Variants in NCOA1 observed in about 807,000 individuals in gnomAD.
The protein encoded by NCOA1 is nuclear receptor coactivator 1, also known as Hin-2 protein.
In NCOA1, 35 loss-of-function variants were observed where a neutral mutation model predicts 150.9. The ratio of observed to expected loss-of-function variants is 0.23; its 90% CI spans 0.18 to 0.31. The LOEUF (loss-of-function observed/expected upper bound fraction) is 0.31, where lower values mean the gene tolerates loss of function less well. NCOA1 is among the 10% of genes least tolerant of loss of function. The pLI, the probability that NCOA1 is intolerant of heterozygous loss-of-function variation, is 1.00. For synonymous variants in NCOA1, 590 were observed against 630.0 expected (o/e 0.94, Z 0.95); for missense variants, 1,491 against 1,749.3 (o/e 0.85, Z 2.63).
chr2:24,497,001 T>G (rs559926022), intron 1 of NCOA1, among the ~76,000 whole-genome samples: 1 of 152,332 alleles, frequency 6.6e-6, no homozygotes, highest in African/African-American at 2.4e-5. Flanking sequence ...CGTCTGCTTT[T>G]CTTGTAAGGC....
chr2:24,535,501 G>A (rs879683362), intron 1 of NCOA1, among the ~76,000 whole-genome samples: 8 of 152,162 alleles, frequency 5.3e-5, no homozygotes, highest in Non-Finnish European at 1.2e-4. Flanking sequence ...TATGATGTTA[G>A]CTGGTTATTT....
At chr2:24,634,835 C>G (rs914094200) in intron 3 of NCOA1, among the ~76,000 whole-genome samples, 4 of 151,890 alleles carry the variant, frequency 2.6e-5, no homozygotes, top group East Asian at 1.9e-4. Flanking sequence ...TTTCAGCCCC[C>G]CAACTGAGTA....
chr2:24,616,959 G>A (rs978128669), intron 3 of NCOA1, among the ~76,000 whole-genome samples: 3 of 152,144 alleles, frequency 2.0e-5, no homozygotes, highest in Non-Finnish European at 4.4e-5. Flanking sequence ...TGTGAACATA[G>A]ACATGTTTAC....
chr2:24,510,309 A>G (rs1663880166), intron 1 of NCOA1, among the ~76,000 whole-genome samples: 1 of 152,120 alleles, frequency 6.6e-6, no homozygotes, highest in Admixed American at 6.5e-5. Context: ...GGCCTCCCAA[A>G]GTGCTGGGAT....
intron 3 of NCOA1, among the ~76,000 whole-genome samples, chr2:24,623,027 A>G (rs1288413007): frequency 2.0e-5 from 3 of 152,210 alleles, no homozygotes; most frequent in African/African-American, 4.8e-5. Flanking sequence ...GCAGAGGGCT[A>G]AAGACTTGAG....
chr2:24,559,336 T>C (rs991392955), intron 1 of NCOA1, among the ~76,000 whole-genome samples: 3 of 152,174 alleles, frequency 2.0e-5, no homozygotes, highest in African/African-American at 7.2e-5. Context: ...TCTCCAGCAG[T>C]TGGCTGCTGG....
rs1356211925 is a variant in NCOA1 at position 24,629,813 on chromosome 2, C to CATATATATATATATAT, written c.-174-14150_-174-14149insTATATATATATATATA. Among the ~76,000 whole-genome samples the CATATATATATATATAT allele has an allele frequency of 1.2e-3, 92 of 77,280 alleles. 1 individual carries two copies. The highest frequency in any genetic ancestry group is 2.7e-3 in the African/African-American group (54 of 19,770). 50.7% of individuals were successfully genotyped at this position (77,280 alleles called of 152,430 possible). A position where few individuals can be genotyped will look rare whatever the true frequency, so the allele number is the denominator to read the frequency against. On this transcript the variant is annotated intron_variant, in intron 3 of 22. Coordinates refer to ENST00000348332, the MANE Select transcript of NCOA1 (RefSeq NM_003743.5). ...GCCAGACACTGTTTTAAGTAACATACATACATATATATATATATATATATA... is the reference window on the plus strand; with the variant it reads ...GCCAGACACTGTTTTAAGTAACATACATATATATATATATATATACATATATATATATATATATATA...
rs971057771 is a variant in NCOA1 at position 24,769,331 on chromosome 2, T to C, written c.*940T>C. On this transcript the variant is annotated 3_prime_UTR_variant, in exon 23 of 23. Transcript: ENST00000348332. ...TTTCCTTCTGTTTAATTTTATGCTT[T>C]TATTATACTCTTGATTTTTCTAAAT... The C allele has an allele frequency of 1.1e-5, 2 of 188,032 alleles. No homozygotes were observed. The highest frequency in any genetic ancestry group is 4.7e-5 in the African/African-American group (2 of 42,818). 11.6% of individuals were successfully genotyped at this position (188,032 alleles called of 1,614,324 possible). A position where few individuals can be genotyped will look rare whatever the true frequency, so the allele number is the denominator to read the frequency against.
intron 14 of NCOA1, among the ~76,000 whole-genome samples, chr2:24,723,593 C>T (rs2148629521): frequency 6.6e-6 from 1 of 152,128 alleles, no homozygotes; most frequent in Non-Finnish European, 1.5e-5. Flanking sequence ...TCATTTTTGC[C>T]CATCTGATGG....
intron 1 of NCOA1, among the ~76,000 whole-genome samples, chr2:24,516,986 A>ATATATAAGTGTATATATACG (rs771456765): frequency 1.7e-5 from 1 of 59,414 alleles, no homozygotes; most frequent in Non-Finnish European, 4.5e-5. Flanking sequence ...ACATATACGT[A>ATATATAAGTGTATATATACG]TATATATACA....
intron 1 of NCOA1, among the ~76,000 whole-genome samples, chr2:24,520,010 A>G (rs1664356452): frequency 6.6e-6 from 1 of 152,240 alleles, no homozygotes; most frequent in African/African-American, 2.4e-5. Flanking sequence ...AACACATCAA[A>G]AGATAATAAA....
chr2:24,539,448 G>A (rs915175071), intron 1 of NCOA1, among the ~76,000 whole-genome samples: 4 of 152,164 alleles, frequency 2.6e-5, no homozygotes, highest in South Asian at 2.1e-4. Context: ...GGGATATTGC[G>A]TGGGGAAAGA....
chr2:24,699,614 T>G (rs1673060166), intron 11 of NCOA1, among the ~76,000 whole-genome samples: 1 of 152,204 alleles, frequency 6.6e-6, no homozygotes, highest in Non-Finnish European at 1.5e-5. Flanking sequence ...AGAATCAAGT[T>G]GTCCAAAGTT....
intron 1 of NCOA1, among the ~76,000 whole-genome samples, chr2:24,492,550 T>A (rs1477123069): frequency 6.6e-6 from 1 of 152,122 alleles, no homozygotes; most frequent in African/African-American, 2.4e-5. Flanking sequence ...GGCCACGGTG[T>A]TGTGTCCGGA....
At chr2:24,534,825 G>A (rs1474984408) in intron 1 of NCOA1, among the ~76,000 whole-genome samples, 4 of 151,944 alleles carry the variant, frequency 2.6e-5, no homozygotes, top group African/African-American at 9.7e-5. Flanking sequence ...AGTTTGTTGT[G>A]ATTTCTGTTC....
intron 8 of NCOA1, among the ~76,000 whole-genome samples, chr2:24,687,683 A>G (rs192280717): frequency 1.3e-5 from 2 of 152,130 alleles, no homozygotes; most frequent in East Asian, 3.9e-4. Flanking sequence ...AAACCATCAG[A>G]TCTCTTGAGA....
At chr2:24,618,819 A>G (rs1196683564) in intron 3 of NCOA1, among the ~76,000 whole-genome samples, 3 of 152,172 alleles carry the variant, frequency 2.0e-5, no homozygotes, top group African/African-American at 7.2e-5. Flanking sequence ...AGTGCCAGTT[A>G]TTCTATCAGC....
At chr2:24,597,779 C>CT (rs895829616) in intron 3 of NCOA1, among the ~76,000 whole-genome samples, 28 of 151,632 alleles carry the variant, frequency 1.8e-4, no homozygotes, top group Admixed American at 5.3e-4. Flanking sequence ...ATGTGAATCT[C>CT]TTTTTTTTTA....
intron 6 of NCOA1, among the ~76,000 whole-genome samples, chr2:24,666,405 T>G (rs956715038): frequency 1.6e-4 from 24 of 152,304 alleles, no homozygotes; most frequent in African/African-American, 5.5e-4. Context: ...AAAGTGAACC[T>G]GAGAATCTTC....
Sources: gnomAD v4.1 joint callset for allele counts (sites outside exome capture counted in the v4.1 genomes callset) on GRCh38, gnomAD v4.1.1 for gene constraint, MANE v1.5 for transcripts, NCBI Gene and HGNC (gene_info 2026-07-23, HGNC 2026-07-21) for gene names.